Variants in LAMC3 observed in about 807,000 individuals in gnomAD.
LAMC3 encodes the protein laminin subunit gamma-3.
A neutral mutation model predicts 173.8 loss-of-function variants in LAMC3; 128 were observed. The ratio of observed to expected loss-of-function variants is 0.74; its 90% confidence interval spans 0.64 to 0.85. The LOEUF is 0.85. Ranked by LOEUF, LAMC3 falls within the 40% of genes least tolerant of loss-of-function variation. The pLI, the probability that LAMC3 is intolerant of heterozygous loss-of-function variation, is 0.00. For synonymous variants in LAMC3, 897 were observed against 909.1 expected (o/e 0.99, Z 0.24); for missense variants, 2,022 against 2,156.0 (o/e 0.94, Z 1.23).
rs1388087521 is a variant in LAMC3, at chr9:131,061,182, G to A, written c.2306G>A (p.Ser769Asn). Reference sequence around the variant, plus strand: ...TCGGCCTGTACGACCATCCCAGAGAGCCGGGAGGTGGTGTGTACCCACTGC... The same window carrying A: ...TCGGCCTGTACGACCATCCCAGAGAACCGGGAGGTGGTGTGTACCCACTGC... ...GQSACTTIPE[S>N]REVVCTHCPP... is the part of the protein sequence containing the mutation. The change falls in exon 13 of 28, where the codon AGC becomes AAC. Residue 769 changes from serine to asparagine, a missense_variant. Physicochemically the swap from Ser to Asn is conservative, Grantham distance 46. Coordinates refer to ENST00000361069, the MANE Select transcript of LAMC3 (RefSeq NM_006059.4). 1.2e-6 allele frequency: 2 copies of A among 1,611,804 alleles called. No individual in the cohort carries two copies. The highest frequency in any genetic ancestry group is 1.7e-6 in the Non-Finnish European group (2 of 1,179,928).
intron 3 of LAMC3, among the ~76,000 whole-genome samples, 186 bp from the exon 4 acceptor site, chr9:131,035,980 G>C (rs531894787): frequency 2.2e-4 from 33 of 152,294 alleles, no homozygotes; most frequent in African/African-American, 7.2e-4. Context: ...GTTTGTTCCA[G>C]AGCTCACCAG....
intron 1 of LAMC3, among the ~76,000 whole-genome samples, chr9:131,024,066 C>T (rs1384203338): frequency 4.0e-5 from 6 of 150,016 alleles, no homozygotes; most frequent in Non-Finnish European, 3.0e-5. Context: ...CTGTGCTTTT[C>T]GTGTCATTTC....
chr9:131,092,081 G>A lies in LAMC3; in HGVS notation c.*294G>A. ...CATACACACGTGAGGGTGCATGTCT[G>A]TGTGTATGACCCACACGTGTTCAAG... On this transcript the variant is annotated 3_prime_UTR_variant, in exon 28 of 28. Transcript: ENST00000361069. 1 of 489,174 alleles carries A rather than the reference G, an allele frequency of 2.0e-6. No individual in the cohort carries two copies. Among genetic ancestry groups the A allele is most frequent in the South Asian group, 2.1e-5 (1 of 48,006 alleles). 30.3% of individuals were successfully genotyped at this position (489,174 alleles called of 1,614,324 possible).
intron 11 of LAMC3, among the ~76,000 whole-genome samples, chr9:131,055,573 C>G (rs561117621): frequency 6.6e-6 from 1 of 151,270 alleles, no homozygotes; most frequent in Non-Finnish European, 1.5e-5. Context: ...TACAGGCGCC[C>G]GCCACCACGC....
At chr9:131,019,903 G>T (rs947014495) in intron 1 of LAMC3, among the ~76,000 whole-genome samples, 1 of 150,324 alleles carries the variant, frequency 6.7e-6, no homozygotes, top group African/African-American at 2.4e-5. Context: ...GCCCCGCACC[G>T]CCCACGCCAA....
At chr9:131,035,360 T>A (rs140679274) in intron 3 of LAMC3, among the ~76,000 whole-genome samples, 5,671 of 151,928 alleles carry the variant, frequency 0.037, 344 homozygotes, top group African/African-American at 0.13. Context: ...AAACTTACAA[T>A]CATGGCGGAA....
chr9:131,077,427 A>G, intron 22 of LAMC3, 93 bp downstream of exon 22: 1 of 1,537,532 alleles, frequency 6.5e-7, no homozygotes, highest in Non-Finnish European at 8.9e-7. Context: ...CTGTAATCGC[A>G]GCACTTTGGG....
In LAMC3 at chr9:131,039,114, T is replaced by C. The variant is rs1354417420; in HGVS notation, c.1166-17T>C. 1.2e-6 allele frequency: 2 copies of C among 1,611,760 alleles called. No individual in the cohort carries two copies. Among genetic ancestry groups the C allele is most frequent in the Non-Finnish European group, 8.5e-7 (1 of 1,179,906 alleles). On this transcript the variant is annotated splice_polypyrimidine_tract_variant and intron_variant, in intron 5 of 27. Coordinates refer to ENST00000361069, the MANE Select transcript of LAMC3 (RefSeq NM_006059.4). The stretch of plus-strand genomic sequence containing the variant: ...CCCTTTCCTGGCCTCAATTGCCCTG[T>C]GCCCTTCCTCTCCCAGGCTCCCTAC...
chr9:131,039,910 G>A (rs996242419), intron 6 of LAMC3, among the ~76,000 whole-genome samples: 6 of 151,766 alleles, frequency 4.0e-5, no homozygotes, highest in African/African-American at 1.5e-4. Flanking sequence ...GGCTCCTGGG[G>A]TCTGGACCTT....
At chr9:131,066,904 C>A in intron 13 of LAMC3, 56 bp from the exon 14 acceptor site, 1 of 1,598,406 alleles carries the variant, frequency 6.3e-7, no homozygotes, top group Non-Finnish European at 8.6e-7. Flanking sequence ...CACCCACCCT[C>A]ATCCCTGGTG....
intron 3 of LAMC3, among the ~76,000 whole-genome samples, chr9:131,033,451 C>A (rs1314783604): frequency 6.6e-6 from 1 of 151,862 alleles, no homozygotes. Flanking sequence ...AGATGGGACC[C>A]AAGAGTGGGA....
intron 13 of LAMC3, among the ~76,000 whole-genome samples, 170 bp downstream of exon 13, chr9:131,061,393 C>CTAT (rs1476096075): frequency 6.6e-6 from 1 of 152,210 alleles, no homozygotes; most frequent in East Asian, 1.9e-4. Context: ...TCCCTCAGCC[C>CTAT]CATAGCCAGA....
intron 3 of LAMC3, 107 bp downstream of exon 3, chr9:131,032,282 G>GC (rs1833839315): frequency 1.2e-6 from 1 of 802,396 alleles, no homozygotes. Context: ...AGCCAGGTGT[G>GC]CCCCAGGGGA....
intron 1 of LAMC3, among the ~76,000 whole-genome samples, chr9:131,019,820 C>T (rs1364280146): frequency 6.6e-6 from 1 of 151,658 alleles, no homozygotes; most frequent in Admixed American, 6.6e-5. Flanking sequence ...ATGGAGGTCC[C>T]ACCCGCCCCC....
rs201638913 is a variant in LAMC3, at chr9:131,039,239, G to A, written c.1274G>A (p.Gly425Glu). Reference sequence around the variant, plus strand: ...CCCGGGTTCCACTCGCTCAGTGAGGGAGGCTGCAGGTGAGGGCGAGGGGCG... The same window carrying A: ...CCCGGGTTCCACTCGCTCAGTGAGGAAGGCTGCAGGTGAGGGCGAGGGGCG... ...CLPGFHSLSEGGCRPCTCNPA... is the reference protein window; with the variant it reads ...CLPGFHSLSEEGCRPCTCNPA... Residue 425 changes from glycine (G) to glutamate (E), a missense_variant, in exon 6 of 28, where the codon GGA (glycine) becomes GAA (glutamate). Coordinates refer to ENST00000361069, the MANE Select transcript of LAMC3 (RefSeq NM_006059.4). 5.6e-6 allele frequency: 9 copies of A among 1,604,696 alleles called. No individual in the cohort carries two copies. In the Admixed American group the frequency reaches 1.5e-4, roughly 27 times the overall value.
rs778884818 is a variant in LAMC3 at position 131,026,450 on chromosome 9, G to T, written c.539G>T (p.Arg180Leu). ...GGCCGGCCCGAGGGCCAGTACCTGC[G>T]CCCCGGCGAGGACGAGCGCGTGGCC... ...TYGRPEGQYL[R>L]PGEDERVAFC... Residue 180 changes from arginine (R) to leucine (L), a missense_variant, in exon 2 of 28, where the codon CGC (arginine) becomes CTC (leucine). Transcript: ENST00000361069. The surrounding 1 kb of genome is among the most constrained non-coding windows in gnomAD (Gnocchi z 4.8). 6.2e-7 allele frequency: 1 copy of T among 1,613,618 alleles called. No homozygotes were observed. The highest frequency in any genetic ancestry group is 8.5e-7 in the Non-Finnish European group (1 of 1,179,880).
intron 1 of LAMC3, among the ~76,000 whole-genome samples, chr9:131,012,896 C>G (rs777564996): frequency 3.9e-5 from 6 of 152,240 alleles, no homozygotes; most frequent in Non-Finnish European, 7.3e-5. Context: ...TCCTGGACAT[C>G]TGTTCCGGAT....
intron 1 of LAMC3, among the ~76,000 whole-genome samples, chr9:131,017,332 C>T (rs992245434): frequency 6.6e-6 from 1 of 152,150 alleles, no homozygotes; most frequent in Non-Finnish European, 1.5e-5. Flanking sequence ...AGCGGCCTCA[C>T]GCGATAGGAA....
At chr9:131,076,970 G>C (rs370555333) in intron 21 of LAMC3, among the ~76,000 whole-genome samples, 1 of 152,260 alleles carries the variant, frequency 6.6e-6, no homozygotes, top group Non-Finnish European at 1.5e-5. Flanking sequence ...GAATGATGCA[G>C]AAACAAGAAT....
Sources: allele counts gnomAD v4.1 joint callset (sites outside exome capture counted in the v4.1 genomes callset), GRCh38; gene constraint gnomAD v4.1.1; non-coding constraint Gnocchi (gnomAD v3.1); transcripts MANE v1.5; gene names NCBI Gene and HGNC (gene_info 2026-07-23, HGNC 2026-07-21).